ZBTB10: variants seen among roughly 807,000 people sequenced by gnomAD.
The protein encoded by ZBTB10 is zinc finger and BTB domain-containing protein 10.
ZBTB10 carries 32 observed loss-of-function variants against 76.4 expected under a neutral mutation model. The observed-to-expected ratio is 0.42, with a 90% confidence interval of 0.32 to 0.56. ZBTB10 has a LOEUF of 0.56. Ranked by LOEUF, ZBTB10 falls within the 20% of genes least tolerant of loss-of-function variation. The pLI is 0.14. For missense variants in ZBTB10, 1,057 were observed against 1,098.5 expected (o/e 0.96, Z 0.53); for synonymous variants, 523 against 432.9 (o/e 1.21, Z -2.58).
rs190969114 is a variant in ZBTB10, at chr8:80,518,571, G to T, written c.2129G>T (p.Trp710Leu). Residue 710 changes from tryptophan to leucine, a missense_variant, in exon 4 of 6, where the codon TGG becomes TTG. By Grantham distance (61) the Trp-to-Leu change is moderately conservative. Coordinates refer to ENST00000455036, the MANE Select transcript of ZBTB10 (RefSeq NM_001105539.3). ...GAATCTTGGCCAAAACAAGAAACCTGGGAAAATGGCAAGTATTAGTCAACT... is the reference window on the plus strand; with the variant it reads ...GAATCTTGGCCAAAACAAGAAACCTTGGAAAATGGCAAGTATTAGTCAACT... ...LPESWPKQET[W>L]ENGESSLIMN... is the part of the protein sequence containing the mutation. 3,082 of 1,548,428 alleles carry T rather than the reference G, an allele frequency of 2.0e-3. 10 individuals are homozygous for T. Among genetic ancestry groups the T allele is most frequent in the Non-Finnish European group, 1.8e-3 (2,112 of 1,146,328 alleles).
At chr8:80,493,198 C>CGCGCGCGCGT (rs1815679953) in intron 1 of ZBTB10, among the ~76,000 whole-genome samples, 5 of 112,448 alleles carry the variant, frequency 4.4e-5, no homozygotes, top group African/African-American at 1.9e-4. Context: ...TCAAAACGCG[C>CGCGCGCGCGT]GCGCGCGCGC....
In ZBTB10 at chr8:80,486,459, T is replaced by A; in HGVS notation, c.-352T>A. ...GGGGCAGCGGAGGGTCTCCCCGCAC[T>A]CCGCTGCTCAACTTCGAAGGCCTCG... On this transcript the variant is annotated 5_prime_UTR_variant, in exon 1 of 6. Transcript: ENST00000455036. The A allele has an allele frequency of 1.0e-6, 1 of 984,864 alleles. No individual in the cohort carries two copies. The highest frequency in any genetic ancestry group is 1.2e-6 in the Non-Finnish European group (1 of 829,884). 61.0% of individuals were successfully genotyped at this position (984,864 alleles called of 1,614,324 possible). A position where few individuals can be genotyped will look rare whatever the true frequency, so the allele number is the denominator to read the frequency against.
chr8:80,518,477 A>G lies in ZBTB10; in HGVS notation c.2035A>G (p.Thr679Ala), dbSNP rs930659838. ...NDFKYGLIPGTSNDFKYGLIP... is the reference protein window; with the variant it reads ...NDFKYGLIPGASNDFKYGLIP... ...TTTCAAGTATGGATTGATACCAGGT[A>G]CTTCAAATGATTTCAAGTATGGATT... The change falls in exon 4 of 6, where the codon ACT becomes GCT. Residue 679 changes from threonine to alanine, a missense_variant. Transcript: ENST00000455036. 35 of 1,553,076 alleles carry G rather than the reference A, an allele frequency of 2.3e-5. No homozygotes were observed. The highest frequency in any genetic ancestry group is 2.8e-5 in the Non-Finnish European group (32 of 1,147,824).
chr8:80,515,519 A>G (rs1034843628), intron 3 of ZBTB10, among the ~76,000 whole-genome samples: 1 of 152,198 alleles, frequency 6.6e-6, no homozygotes, highest in Non-Finnish European at 1.5e-5. Context: ...CTTGAATTTT[A>G]AAGATTTTTT....
chr8:80,509,717 C>G (rs541308221), intron 2 of ZBTB10, among the ~76,000 whole-genome samples: 1 of 152,130 alleles, frequency 6.6e-6, no homozygotes, highest in Non-Finnish European at 1.5e-5. Flanking sequence ...GAGATTTAGA[C>G]CAGTCTTTTA....
At chr8:80,502,298 C>T (rs59563588) in intron 2 of ZBTB10, among the ~76,000 whole-genome samples, 1 of 152,212 alleles carries the variant, frequency 6.6e-6, no homozygotes, top group East Asian at 1.9e-4. Context: ...TGCAGTGGCA[C>T]AGTCTTGGTT....
rs561674747 is a variant in ZBTB10, at chr8:80,506,806, G to T, written c.1861+6424G>T. ...TCTCACGTAACAGATTTATGGATCT[G>T]AATTAGTTTTTATTCTCTTAGGAGA... On this transcript the variant is annotated intron_variant, in intron 2 of 5. Coordinates refer to ENST00000455036, the MANE Select transcript of ZBTB10 (RefSeq NM_001105539.3). 1.4e-3 allele frequency among the ~76,000 whole-genome samples: 206 copies of T among 152,258 alleles called. 2 individuals are homozygous for T. The highest frequency in any genetic ancestry group is 2.4e-3 in the Non-Finnish European group (162 of 68,014).
intron 1 of ZBTB10, among the ~76,000 whole-genome samples, chr8:80,496,871 T>C (rs929414807): frequency 5.9e-5 from 9 of 152,228 alleles, no homozygotes; most frequent in African/African-American, 2.2e-4. Context: ...CTTCCAAATA[T>C]TCATACAATA....
intron 1 of ZBTB10, among the ~76,000 whole-genome samples, chr8:80,490,568 C>T (rs965354088): frequency 6.6e-6 from 1 of 152,148 alleles, no homozygotes; most frequent in Non-Finnish European, 1.5e-5. Context: ...CCAATCAGTT[C>T]TCCTTTTTAT....
intron 1 of ZBTB10, among the ~76,000 whole-genome samples, chr8:80,493,231 A>G (rs1306068963): frequency 6.6e-6 from 1 of 150,962 alleles, no homozygotes; most frequent in Non-Finnish European, 1.5e-5. Context: ...ACACACACAC[A>G]CACACACACA....
chr8:80,516,558 T>G (rs1259444950), intron 3 of ZBTB10, among the ~76,000 whole-genome samples: 1 of 152,210 alleles, frequency 6.6e-6, no homozygotes, highest in African/African-American at 2.4e-5. Flanking sequence ...ACAGAAATGC[T>G]TCACTTTAGG....
In ZBTB10 at chr8:80,503,498, A is replaced by ATTATTTATTTAT. The variant is rs112133197; in HGVS notation, c.1861+3133_1861+3144dup. ...TCTGTCGTTGGGAATAGTGTAATTTATTATTTATTTATTTATTTATTTATT... is the reference window on the plus strand; with the variant it reads ...TCTGTCGTTGGGAATAGTGTAATTTATTATTTATTTATTTATTTATTTATTTATTTATTTATT... On this transcript the variant is annotated intron_variant, in intron 2 of 5. Coordinates refer to ENST00000455036, the MANE Select transcript of ZBTB10 (RefSeq NM_001105539.3). Among the ~76,000 whole-genome samples, 66 of 151,332 alleles carry ATTATTTATTTAT rather than the reference A, an allele frequency of 4.4e-4. No homozygotes were observed. In the South Asian group the frequency reaches 5.7e-3, roughly 13 times the overall value.
At position 80,522,157 on chromosome 8, in the gene ZBTB10, C is replaced by T. The variant is rs1202117112; in HGVS notation, c.*2629C>T. ...AAAATAGTTTTAGTACTAAGGTATA[C>T]TACTGGACATTTCTATTTTTTTAAG... On this transcript the variant is annotated 3_prime_UTR_variant, in exon 6 of 6. Transcript: ENST00000455036. 2 of 151,748 alleles carry T rather than the reference C, an allele frequency of 1.3e-5. No individual in the cohort carries two copies. The highest frequency in any genetic ancestry group is 1.9e-4 in the East Asian group (1 of 5,186). The allele number at this position is 151,748 out of a possible 1,614,324, so 9.4% of individuals were successfully genotyped here.
chr8:80,506,705 C>T (rs1386108848), intron 2 of ZBTB10, among the ~76,000 whole-genome samples: 1 of 152,128 alleles, frequency 6.6e-6, no homozygotes, highest in African/African-American at 2.4e-5. Context: ...GGGTGCTACT[C>T]CAGACCCCAC....
chr8:80,512,364 A>C (rs556525363), intron 2 of ZBTB10, among the ~76,000 whole-genome samples: 2 of 152,264 alleles, frequency 1.3e-5, no homozygotes, highest in Non-Finnish European at 2.9e-5. Flanking sequence ...TTCTCTTCGC[A>C]GCAATATCTT....
chr8:80,514,107 A>T (rs922291830), intron 3 of ZBTB10, 99 bp downstream of exon 3: 41 of 1,037,402 alleles, frequency 4.0e-5, no homozygotes, highest in Middle Eastern at 2.6e-4. Context: ...AGGGGGTTCT[A>T]TTGTATATAA....
intron 2 of ZBTB10, among the ~76,000 whole-genome samples, chr8:80,510,639 A>AGTGTGGGGGT (rs60169757): frequency 0.019 from 2,449 of 125,760 alleles, 69 homozygotes; most frequent in African/African-American, 0.067. Flanking sequence ...TTGTGAAACC[A>AGTGTGGGGGT]GTGTGTGTGT....
intron 1 of ZBTB10, among the ~76,000 whole-genome samples, chr8:80,493,818 T>G (rs968189891): frequency 2.0e-5 from 3 of 152,108 alleles, no homozygotes; most frequent in Non-Finnish European, 4.4e-5. Flanking sequence ...GAGCGAAACT[T>G]CGTCTCAAAA....
intron 2 of ZBTB10, among the ~76,000 whole-genome samples, chr8:80,504,947 C>T (rs1371583409): frequency 6.6e-6 from 1 of 152,136 alleles, no homozygotes; most frequent in Non-Finnish European, 1.5e-5. Flanking sequence ...AGGTGTTAAT[C>T]TGATTTTTTA....
Sources: gnomAD v4.1 joint callset for allele counts (sites outside exome capture counted in the v4.1 genomes callset) on GRCh38, gnomAD v4.1.1 for gene constraint, MANE v1.5 for transcripts, NCBI Gene and HGNC (gene_info 2026-07-23, HGNC 2026-07-21) for gene names.